SPTLC1: variants seen among roughly 807,000 people sequenced by gnomAD.
The protein encoded by SPTLC1 is serine palmitoyltransferase long chain base subunit 1.
Under a neutral mutation model 68.9 loss-of-function variants are expected in SPTLC1, and 55 were observed. That is an observed-to-expected ratio of 0.80 (90% CI 0.64 to 1.00). The LOEUF (loss-of-function observed/expected upper bound fraction) is 1.00. Ranked by LOEUF, SPTLC1 falls within the 50% of genes least tolerant of loss-of-function variation. The pLI, the probability that SPTLC1 is intolerant of heterozygous loss-of-function variation, is 0.00. For synonymous variants in SPTLC1, 197 were observed against 201.6 expected (o/e 0.98, Z 0.19); for missense variants, 449 against 573.1 (o/e 0.78, Z 2.21).
intron 3 of SPTLC1, among the ~76,000 whole-genome samples, chr9:92,105,734 G>A (rs1457797931): frequency 8.6e-5 from 13 of 151,752 alleles, no homozygotes; most frequent in South Asian, 2.1e-4. Context: ...CTCACAGCCC[G>A]GGAAGTGAGG....
chr9:92,110,733 C>T (rs1836201310), intron 2 of SPTLC1: 1 of 152,176 alleles, frequency 6.6e-6, no homozygotes, highest in Non-Finnish European at 1.5e-5. Flanking sequence ...ACATGCATTT[C>T]ACTCTAGGAT....
At chr9:92,076,543 C>T (rs1328387819) in intron 5 of SPTLC1, among the ~76,000 whole-genome samples, 3 of 152,190 alleles carry the variant, frequency 2.0e-5, no homozygotes, top group Non-Finnish European at 4.4e-5. Context: ...ACTCTATCCT[C>T]TCCTCCTTTG....
chr9:92,054,717 A>G (rs1446734878), intron 8 of SPTLC1, among the ~76,000 whole-genome samples: 1 of 152,194 alleles, frequency 6.6e-6, no homozygotes, highest in East Asian at 1.9e-4. Context: ...GATTGAGACC[A>G]TCCTAGCCGA....
chr9:92,090,480 T>C (rs367983012), intron 3 of SPTLC1, among the ~76,000 whole-genome samples: 3 of 151,688 alleles, frequency 2.0e-5, no homozygotes, highest in Non-Finnish European at 4.4e-5. Flanking sequence ...GGTGTGGTGG[T>C]GCATGCCTGT....
chr9:92,080,450 T>A (rs1033649836), intron 4 of SPTLC1, among the ~76,000 whole-genome samples: 6 of 152,240 alleles, frequency 3.9e-5, no homozygotes, highest in Admixed American at 1.3e-4. Flanking sequence ...CATAAGAGAC[T>A]CTTGCCTCTC....
At chr9:92,078,881 A>C (rs923098775) in intron 5 of SPTLC1, among the ~76,000 whole-genome samples, 1 of 152,236 alleles carries the variant, frequency 6.6e-6, no homozygotes, top group Non-Finnish European at 1.5e-5. Flanking sequence ...GCTTAGGGAT[A>C]ACATAAGGTG....
At chr9:92,059,400 C>A (rs528410176) in intron 6 of SPTLC1, 92 bp from the exon 7 acceptor site, 2 of 1,312,684 alleles carry the variant, frequency 1.5e-6, no homozygotes, top group Admixed American at 1.7e-5. Context: ...TGACCAATCA[C>A]TGATTGTTAA....
At chr9:92,106,147 G>A (rs12347966) in intron 3 of SPTLC1, among the ~76,000 whole-genome samples, 2 of 152,204 alleles carry the variant, frequency 1.3e-5, no homozygotes, top group East Asian at 1.9e-4. Flanking sequence ...AGTGAGGAGC[G>A]TCTCTGCCCG....
At chr9:92,114,122 AAAG>A (rs1836344682) in intron 1 of SPTLC1, among the ~76,000 whole-genome samples, 1 of 151,920 alleles carries the variant, frequency 6.6e-6, no homozygotes, top group Non-Finnish European at 1.5e-5. Flanking sequence ...AAAAAAAAAA[AAAG>A]ATTAGTTGGG....
intron 5 of SPTLC1, among the ~76,000 whole-genome samples, chr9:92,073,043 C>G (rs551098157): frequency 1.3e-3 from 201 of 152,080 alleles, no homozygotes; most frequent in African/African-American, 4.6e-3. Flanking sequence ...CTCCCATTAC[C>G]ATCCCTCCTC....
Position 92,112,461 on chromosome 9 carries a change from T to C in SPTLC1, c.159A>G (p.Thr53=). ...CAGAGATTTAATTTCGTACCTTGAC[T>C]GTAAGATCAGATCGTTCTTGTAATT... ...TYKLQERSDL[T]VKEKEELIEE... Residue 53 remains threonine, a synonymous_variant, in exon 2 of 15, where the codon ACA becomes ACG. Coordinates refer to ENST00000262554, the MANE Select transcript of SPTLC1 (RefSeq NM_006415.4). 6.3e-7 allele frequency: 1 copy of C among 1,595,160 alleles called. No homozygotes were observed. The highest frequency in any genetic ancestry group is 1.3e-5 in the African/African-American group (1 of 74,636).
intron 3 of SPTLC1, among the ~76,000 whole-genome samples, chr9:92,085,608 AGTTT>A (rs1369710579): frequency 3.3e-5 from 5 of 149,660 alleles, no homozygotes; most frequent in African/African-American, 1.2e-4. Flanking sequence ...TCTGAGAGAC[AGTTT>A]GTTATAATTT....
chr9:92,061,203 T>C (rs917332660), intron 6 of SPTLC1, among the ~76,000 whole-genome samples: 14 of 152,122 alleles, frequency 9.2e-5, no homozygotes, highest in African/African-American at 3.4e-4. Context: ...CCAAGGCACA[T>C]CATAGATGAC....
intron 8 of SPTLC1, among the ~76,000 whole-genome samples, chr9:92,052,010 G>A (rs1409166201): frequency 6.6e-6 from 1 of 152,098 alleles, no homozygotes; most frequent in African/African-American, 2.4e-5. Flanking sequence ...TCATTAAGAT[G>A]GTAATACTTC....
intron 5 of SPTLC1, chr9:92,079,715 G>T (rs1421346203): frequency 2.6e-6 from 2 of 755,048 alleles, no homozygotes; most frequent in African/African-American, 1.7e-5. Context: ...GTGGGCAGAA[G>T]TATGAGGCCA....
At chr9:92,045,524 TAAAAAAAAAAAAAAAAA>T (rs71362367) in intron 12 of SPTLC1, among the ~76,000 whole-genome samples, 53 of 31,624 alleles carry the variant, frequency 1.7e-3, no homozygotes, top group African/African-American at 5.8e-3. Flanking sequence ...TCTTGTGTAG[TAAAAAAAAAAAAAAAAA>T]AAAAAAAAAA....
intron 5 of SPTLC1, chr9:92,079,233 G>A (rs920111643): frequency 9.8e-5 from 45 of 459,464 alleles, no homozygotes; most frequent in Middle Eastern, 7.9e-4. Context: ...CCACCACCAC[G>A]CCCAGCTAAT....
chr9:92,093,136 G>A (rs1043321918), intron 3 of SPTLC1, among the ~76,000 whole-genome samples: 2 of 152,044 alleles, frequency 1.3e-5, no homozygotes, highest in African/African-American at 4.8e-5. Flanking sequence ...ACACCTAAGA[G>A]ATATATTAAT....
At chr9:92,060,071 G>T (rs1401844591) in intron 6 of SPTLC1, among the ~76,000 whole-genome samples, 1 of 152,122 alleles carries the variant, frequency 6.6e-6, no homozygotes, top group African/African-American at 2.4e-5. Context: ...GGAGAGTCAG[G>T]ACTATTAGCA....
Sources: allele counts gnomAD v4.1 joint callset (sites outside exome capture counted in the v4.1 genomes callset), GRCh38; gene constraint gnomAD v4.1.1; transcripts MANE v1.5; gene names NCBI Gene and HGNC (gene_info 2026-07-23, HGNC 2026-07-21).